Variants in PLCE1 observed in about 807,000 individuals in gnomAD.
PLCE1 encodes the protein phospholipase C epsilon 1, also known as 1-phosphatidylinositol 4,5-bisphosphate phosphodiesterase epsilon-1.
Under a neutral mutation model 242.8 loss-of-function variants are expected in PLCE1, and 119 were observed. The observed-to-expected ratio is 0.49, with a 90% CI of 0.42 to 0.57. The LOEUF is 0.57. Among genes scored for constraint, PLCE1 ranks in the 20% least tolerant of loss-of-function variants. The pLI, the probability that PLCE1 is intolerant of heterozygous loss-of-function variation, is 0.00. For synonymous variants in PLCE1, 945 were observed against 1,017.4 expected, an observed-to-expected ratio of 0.93 and a Z score of 1.35; for missense variants, 2,441 against 2,788.8, an observed-to-expected ratio of 0.88 and a Z score of 2.81.
intron 2 of PLCE1, among the ~76,000 whole-genome samples, chr10:94,125,431 T>TC (rs2046410179): frequency 6.6e-6 from 1 of 152,034 alleles, no homozygotes; most frequent in African/African-American, 2.4e-5. Context: ...CTCGCTTTGT[T>TC]CCCCAGGCTG....
chr10:94,251,366 T>C (rs1341965121), intron 8 of PLCE1, among the ~76,000 whole-genome samples: 1 of 152,176 alleles, frequency 6.6e-6, no homozygotes, highest in Non-Finnish European at 1.5e-5. Flanking sequence ...CACACAAAGC[T>C]TCTTTGTTTT....
rs1243745506 is a variant in PLCE1, at chr10:94,265,656, C to A, written c.4063C>A (p.Pro1355Thr). ...EILSIIQKFE[P>T]SISMCHQGLM... ...TTTTAATCCCTTGCAGAAGTTCGAG[C>A]CTAGCATCAGTATGTGTCATCAGGG... is the stretch of plus-strand genomic sequence containing the variant. The change falls in exon 15 of 33, where the codon CCT becomes ACT. Residue 1355 changes from proline to threonine, a missense_variant. By Grantham distance (38) the Pro-to-Thr change is conservative. This residue lies in a region of PLCE1 where 1,004 missense variants were observed against 1,322.7 expected (regional missense o/e 0.76). Transcript: ENST00000371380. 6.2e-7 allele frequency: 1 copy of A among 1,613,564 alleles called. No homozygotes were observed. The highest frequency in any genetic ancestry group is 1.3e-5 in the African/African-American group (1 of 74,868).
chr10:94,296,592 T>A (rs1392947456), intron 23 of PLCE1, among the ~76,000 whole-genome samples: 1 of 152,152 alleles, frequency 6.6e-6, no homozygotes, highest in Non-Finnish European at 1.5e-5. Context: ...AGAAGAGAGT[T>A]CAGGGCCTTA....
intron 2 of PLCE1, among the ~76,000 whole-genome samples, chr10:94,036,991 A>G (rs947914556): frequency 2.0e-5 from 3 of 152,244 alleles, no homozygotes; most frequent in African/African-American, 4.8e-5. Flanking sequence ...TAAAGAGTAA[A>G]AAACAAAGAA....
At chr10:94,318,792 G>C (rs562906630) in intron 29 of PLCE1, among the ~76,000 whole-genome samples, 1 of 152,326 alleles carries the variant, frequency 6.6e-6, no homozygotes, top group South Asian at 2.1e-4. Flanking sequence ...TGGGCACGGT[G>C]GCTCACACCT....
At position 94,244,398 on chromosome 10, in the gene PLCE1, A is replaced by G. The variant is rs117658823; in HGVS notation, c.2421-1548A>G. On this transcript the variant is annotated intron_variant, in intron 7 of 32. Transcript: ENST00000371380. ...TGTGGACCAAATAGCAGAAACCTTGATCTTACTAACAACTTCCTATGCTTT... is the reference window on the plus strand; with the variant it reads ...TGTGGACCAAATAGCAGAAACCTTGGTCTTACTAACAACTTCCTATGCTTT... Among the ~76,000 whole-genome samples the G allele has an allele frequency of 1.8e-3, 277 of 152,274 alleles. 1 individual carries two copies. Among genetic ancestry groups the G allele is most frequent in the Admixed American group, 3.5e-3 (53 of 15,294 alleles).
intron 7 of PLCE1, among the ~76,000 whole-genome samples, chr10:94,244,442 G>A (rs933294209): frequency 2.0e-5 from 3 of 152,112 alleles, no homozygotes; most frequent in African/African-American, 7.2e-5. Context: ...TGAGACTCTT[G>A]GGCAGGTTCC....
At chr10:94,104,801 G>A (rs2135533688) in intron 2 of PLCE1, 3 of 152,316 alleles carry the variant, frequency 2.0e-5, no homozygotes, top group Admixed American at 2.0e-4. Flanking sequence ...ATTCCTTATA[G>A]AACAGATGAT....
At chr10:94,199,507 C>T (rs1289320575) in intron 4 of PLCE1, among the ~76,000 whole-genome samples, 1 of 152,226 alleles carries the variant, frequency 6.6e-6, no homozygotes, top group African/African-American at 2.4e-5. Flanking sequence ...GTAAGAAATG[C>T]TGCCACTTAG....
At chr10:94,324,824 AAT>A (rs2053950638) in intron 31 of PLCE1, 66 bp from the exon 32 acceptor site, 1 of 1,478,056 alleles carries the variant, frequency 6.8e-7, no homozygotes, top group Non-Finnish European at 9.4e-7. Context: ...GCTCTTCTGA[AAT>A]AGTGTCATGT....
At chr10:94,072,926 G>A (rs965726112) in intron 2 of PLCE1, among the ~76,000 whole-genome samples, 8 of 152,022 alleles carry the variant, frequency 5.3e-5, no homozygotes, top group African/African-American at 1.9e-4. Context: ...GTGCTGATGG[G>A]GGAGAGGGTG....
At chr10:93,996,132 T>C (rs72812636) in intron 1 of PLCE1, among the ~76,000 whole-genome samples, 50 of 99,456 alleles carry the variant, frequency 5.0e-4, no homozygotes, top group Admixed American at 3.1e-3. Flanking sequence ...TGTGTGTGTG[T>C]GCGCGCGCGT....
intron 2 of PLCE1, among the ~76,000 whole-genome samples, chr10:94,096,134 G>A (rs1274184974): frequency 6.6e-6 from 1 of 152,118 alleles, no homozygotes; most frequent in Non-Finnish European, 1.5e-5. Context: ...CCCACTGCCT[G>A]TTCCTAGGGC....
intron 4 of PLCE1, among the ~76,000 whole-genome samples, chr10:94,217,276 G>A (rs909127477): frequency 3.9e-5 from 6 of 151,968 alleles, no homozygotes; most frequent in African/African-American, 1.5e-4. Context: ...CATGGAGAGT[G>A]TTGTTATTGT....
chr10:94,057,033 T>C (rs183283442), intron 2 of PLCE1, among the ~76,000 whole-genome samples: 1 of 152,364 alleles, frequency 6.6e-6, no homozygotes, highest in African/African-American at 2.4e-5. Flanking sequence ...TATACCACTT[T>C]TTATGTATCC....
intron 2 of PLCE1, among the ~76,000 whole-genome samples, chr10:94,075,062 T>C (rs2044462820): frequency 6.6e-6 from 1 of 152,196 alleles, no homozygotes; most frequent in Non-Finnish European, 1.5e-5. Context: ...CCTTCTCTTC[T>C]TGGCCTAATT....
chr10:94,017,745 ATC>A (rs2061307414), intron 1 of PLCE1, among the ~76,000 whole-genome samples: 1 of 152,168 alleles, frequency 6.6e-6, no homozygotes, highest in South Asian at 2.1e-4. Context: ...TTGTGGGGGA[ATC>A]TCTATGAGAC....
chr10:94,222,052 G>T (rs1318227270), intron 4 of PLCE1, among the ~76,000 whole-genome samples: 2 of 152,160 alleles, frequency 1.3e-5, no homozygotes, highest in African/African-American at 4.8e-5. Flanking sequence ...TGGCCTGCCT[G>T]TCTGCCAGAG....
chr10:94,319,424 TAA>T (rs2053698693), intron 29 of PLCE1, among the ~76,000 whole-genome samples: 1 of 152,214 alleles, frequency 6.6e-6, no homozygotes, highest in Non-Finnish European at 1.5e-5. Flanking sequence ...ATGGAACTAA[TAA>T]GACATATAAG....
Sources: gnomAD v4.1 joint callset for allele counts (sites outside exome capture counted in the v4.1 genomes callset) on GRCh38, gnomAD v4.1.1 for gene constraint, gnomAD v4.1.1 regional missense constraint, MANE v1.5 for transcripts, NCBI Gene and HGNC (gene_info 2026-07-23, HGNC 2026-07-21) for gene names.